Variants in NDRG3 observed in about 807,000 individuals in gnomAD.
NDRG3 encodes protein NDRG3.
A neutral mutation model predicts 57.2 loss-of-function variants in NDRG3; 23 were observed. That is an observed-to-expected ratio of 0.40 (90% CI 0.29 to 0.57). NDRG3 has a LOEUF of 0.57. Among genes scored for constraint, NDRG3 ranks in the 20% least tolerant of loss-of-function variants. The pLI is 0.42. For synonymous variants in NDRG3, 132 were observed against 162.6 expected, an observed-to-expected ratio of 0.81 and a Z score of 1.43; for missense variants, 384 against 457.3, an observed-to-expected ratio of 0.84 and a Z score of 1.46.
chr20:36,674,596 T>C (rs958507190), intron 8 of NDRG3, among the ~76,000 whole-genome samples: 1 of 105,576 alleles, frequency 9.5e-6, no homozygotes, highest in Non-Finnish European at 1.7e-5. Context: ...TCAATAAAGC[T>C]TTTTTTTTTT....
In NDRG3 at chr20:36,666,280, A is replaced by G. The variant is rs574156231; in HGVS notation, c.692+9T>C. 6.2e-7 allele frequency: 1 copy of G among 1,603,708 alleles called. No homozygotes were observed. The highest frequency in any genetic ancestry group is 2.2e-5 in the East Asian group (1 of 44,828). On this transcript the variant is annotated intron_variant, in intron 10 of 15. Transcript: ENST00000349004. ...TACATTTAAGTGAAGAAACAGGAAA[A>G]AACTATACCCATTGTAGGAATTCAA...
chr20:36,712,579 ATATATATATTTTT>A lies in NDRG3; in HGVS notation c.58-5585_58-5573del, dbSNP rs1983970755. Among the ~76,000 whole-genome samples the A allele has an allele frequency of 4.0e-4, 6 of 15,082 alleles. No individual in the cohort carries two copies. In the South Asian group the frequency reaches 0.015, roughly 38 times the overall value. The allele number at this position is 15,082 out of a possible 152,430, so 9.9% of individuals were successfully genotyped here. A position where few individuals can be genotyped will look rare whatever the true frequency, so the allele number is the denominator to read the frequency against. On this transcript the variant is annotated intron_variant, in intron 2 of 15. Transcript: ENST00000349004. ...CCCGGCTATATATATATATATATAT[ATATATATATTTTT>A]TTTTTTTTTTTTTTTTTTTTTGAGA...
chr20:36,705,125 T>C (rs1600929344), intron 3 of NDRG3, among the ~76,000 whole-genome samples: 1 of 151,240 alleles, frequency 6.6e-6, no homozygotes, highest in African/African-American at 2.4e-5. Flanking sequence ...TTCGAGACCA[T>C]CCTGACCAAC....
At chr20:36,729,738 G>C (rs1409043810) in intron 1 of NDRG3, among the ~76,000 whole-genome samples, 1 of 151,884 alleles carries the variant, frequency 6.6e-6, no homozygotes, top group Non-Finnish European at 1.5e-5. Flanking sequence ...TTGTTGCCCA[G>C]GCTGGTCTCT....
intron 1 of NDRG3, among the ~76,000 whole-genome samples, chr20:36,731,809 CAA>C (rs78030577): frequency 3.9e-5 from 5 of 127,016 alleles, no homozygotes; most frequent in Admixed American, 8.2e-5. Flanking sequence ...GACTCCATCT[CAA>C]AAAAAAAAAA....
chr20:36,733,162 AAAAAAAAAAATATAT>A (rs1178052440), intron 1 of NDRG3, among the ~76,000 whole-genome samples: 205 of 51,944 alleles, frequency 3.9e-3, no homozygotes, highest in African/African-American at 0.021. Context: ...AAAAAAAAAA[AAAAAAAAAAATATAT>A]ATATATATAT....
intron 8 of NDRG3, among the ~76,000 whole-genome samples, chr20:36,674,886 ATTTTTTTTTTTTTTTTTTT>A (rs34146274): frequency 2.5e-5 from 1 of 39,668 alleles, no homozygotes; most frequent in Non-Finnish European, 4.3e-5. Context: ...GCCCAGCCAG[ATTTTTTTTTTTTTTTTTTT>A]TTTTTTTTTT....
At chr20:36,682,945 T>C (rs1436642821) in intron 6 of NDRG3, among the ~76,000 whole-genome samples, 1 of 114,930 alleles carries the variant, frequency 8.7e-6, no homozygotes, top group African/African-American at 3.3e-5. Flanking sequence ...GTGCGCCTGT[T>C]AAAAAAAAAA....
chr20:36,739,133 TCAAAAAAAAAAAAAAAA>T (rs1349521610), intron 1 of NDRG3, among the ~76,000 whole-genome samples: 10 of 31,526 alleles, frequency 3.2e-4, no homozygotes, highest in East Asian at 1.1e-3. Flanking sequence ...AGACCCCATC[TCAAAAAAAAAAAAAAAA>T]AAAAAAAAAA....
intron 8 of NDRG3, among the ~76,000 whole-genome samples, chr20:36,673,138 A>G (rs1980329586): frequency 6.6e-6 from 1 of 152,174 alleles, no homozygotes; most frequent in African/African-American, 2.4e-5. Context: ...TGCTGGGATT[A>G]CCAATGTGAA....
At chr20:36,666,151 C>T (rs1979613089) in intron 10 of NDRG3, 138 bp downstream of exon 10, 2 of 652,174 alleles carry the variant, frequency 3.1e-6, no homozygotes, top group Non-Finnish European at 5.4e-6. Flanking sequence ...GTCCATGTTT[C>T]TAGAAAGCCA....
At chr20:36,676,155 G>C (rs1980684172) in intron 8 of NDRG3, among the ~76,000 whole-genome samples, 1 of 151,984 alleles carries the variant, frequency 6.6e-6, no homozygotes, top group African/African-American at 2.4e-5. Context: ...TGGGAGAATG[G>C]CGTGAACCCG....
intron 1 of NDRG3, among the ~76,000 whole-genome samples, chr20:36,732,776 T>C (rs555754941): frequency 2.6e-5 from 4 of 151,994 alleles, no homozygotes; most frequent in Non-Finnish European, 5.9e-5. Context: ...CCTGGGGACA[T>C]GAGGGTCTCA....
chr20:36,669,120 G>A lies in NDRG3; in HGVS notation c.588+2221C>T, dbSNP rs142760169. Among the ~76,000 whole-genome samples, 59 of 151,646 alleles carry A rather than the reference G, an allele frequency of 3.9e-4. No homozygotes were observed. In the East Asian group the frequency reaches 8.9e-3, roughly 23 times the overall value. On this transcript the variant is annotated intron_variant, in intron 9 of 15. Transcript: ENST00000349004. The stretch of plus-strand genomic sequence containing the variant: ...TGCCCATGCTGGAGTGCAATGGCGC[G>A]ATCTCGGCTCAACGCAACCTTCACC...
chr20:36,719,807 A>G (rs1984490814), intron 2 of NDRG3, among the ~76,000 whole-genome samples: 1 of 151,758 alleles, frequency 6.6e-6, no homozygotes, highest in African/African-American at 2.4e-5. Flanking sequence ...CACCAAAAGA[A>G]TAGAGTGGAA....
At chr20:36,714,424 T>A (rs11905926) in intron 2 of NDRG3, among the ~76,000 whole-genome samples, 142,069 of 142,082 alleles carry the variant, frequency 1, 71,028 homozygotes, top group Middle Eastern at 1. Context: ...AAAAAAAATC[T>A]TCAGCAAATC....
At chr20:36,681,456 C>T (rs1303827182) in intron 7 of NDRG3, among the ~76,000 whole-genome samples, 2 of 151,574 alleles carry the variant, frequency 1.3e-5, no homozygotes, top group African/African-American at 4.8e-5. Flanking sequence ...ACCAACATGG[C>T]GAAACCCCAT....
chr20:36,695,858 C>T (rs541536031), intron 3 of NDRG3, among the ~76,000 whole-genome samples: 2 of 152,216 alleles, frequency 1.3e-5, no homozygotes, highest in South Asian at 2.1e-4. Context: ...GTGACCCACA[C>T]CCTATTCGTA....
intron 6 of NDRG3, among the ~76,000 whole-genome samples, chr20:36,684,146 A>G (rs1469701288): frequency 1.3e-5 from 2 of 152,166 alleles, no homozygotes; most frequent in Admixed American, 6.5e-5. Context: ...TAAATCTTCT[A>G]GGTCTCAGCG....
Sources: allele counts gnomAD v4.1 joint callset (sites outside exome capture counted in the v4.1 genomes callset), GRCh38; gene constraint gnomAD v4.1.1; transcripts MANE v1.5; gene names NCBI Gene and HGNC (gene_info 2026-07-23, HGNC 2026-07-21).